NRN1L: variants seen among roughly 807,000 people sequenced by gnomAD.
NRN1L encodes the protein neuritin-like protein.
NRN1L carries 12 observed loss-of-function variants against 8.8 expected under a neutral mutation model. The ratio of observed to expected loss-of-function variants is 1.36; its 90% CI spans 0.87 to 2.20. The LOEUF is 2.20. Ranked by LOEUF, NRN1L falls within the 30% of genes most tolerant of loss-of-function variation. The pLI is 0.00. For missense variants in NRN1L, 266 were observed against 232.4 expected, an observed-to-expected ratio of 1.14 and a Z score of -0.94; for synonymous variants, 114 against 99.2, an observed-to-expected ratio of 1.15 and a Z score of -0.88.
At chr16:67,887,806 T>G (rs2058101402), downstream of NRN1L, among the ~76,000 whole-genome samples, 1 of 152,052 alleles carries the variant, frequency 6.6e-6, no homozygotes, top group Admixed American at 6.6e-5. Flanking sequence ...ATGGTCTCGA[T>G]CTCCTGACCT....
downstream of NRN1L, chr16:67,888,777 C>T (rs2058103481): frequency 6.6e-6 from 1 of 152,294 alleles, no homozygotes; most frequent in Non-Finnish European, 1.5e-5. Context: ...CTCCCTCCTG[C>T]TCTTCTCCAG....
At chr16:67,886,437 T>C (rs867134718), downstream of NRN1L, 56 of 626,982 alleles carry the variant, frequency 8.9e-5, no homozygotes, top group Middle Eastern at 8.6e-4. Flanking sequence ...TAGAAACTGA[T>C]CCTTTGCTTG....
chr16:67,885,715 C>T lies in NRN1L; in HGVS notation c.80-7C>T, dbSNP rs1254089130. Reference sequence around the variant, plus strand: ...CCTTCCCCACCCCACCCCCGCCCCACTTCTAGTCCTTTTACCTCCCCTGGC... The same window carrying T: ...CCTTCCCCACCCCACCCCCGCCCCATTTCTAGTCCTTTTACCTCCCCTGGC... On this transcript the variant is annotated splice_polypyrimidine_tract_variant and splice_region_variant and intron_variant, in intron 1 of 2. Transcript: ENST00000339176. 3.2e-6 allele frequency: 5 copies of T among 1,545,918 alleles called. No individual in the cohort carries two copies. Among genetic ancestry groups the T allele is most frequent in the Non-Finnish European group, 4.4e-6 (5 of 1,132,086 alleles).
chr16:67,885,734 C>G lies in NRN1L; in HGVS notation c.92C>G (p.Pro31Arg). Reference protein sequence around the residue: ...LLLLPLVLLPPLAAAAAGPNR... With the variant: ...LLLLPLVLLPRLAAAAAGPNR... ...GCCCCACTTCTAGTCCTTTTACCTC[C>G]CCTGGCAGCAGCTGCAGCGGGCCCA... The change falls in exon 2 of 3, where the codon CCC (proline) becomes CGC (arginine). Residue 31 changes from proline (P) to arginine (R), a missense_variant. Coordinates refer to ENST00000339176, the MANE Select transcript of NRN1L (RefSeq NM_198443.2). 6.4e-7 allele frequency: 1 copy of G among 1,568,584 alleles called. No homozygotes were observed. Among genetic ancestry groups the G allele is most frequent in the Non-Finnish European group, 8.7e-7 (1 of 1,143,020 alleles).
rs777634000 is a variant in NRN1L, at chr16:67,886,100, T to C, written c.339T>C (p.Thr113=). The stretch of plus-strand genomic sequence containing the variant: ...CCCCCCGTCCGAATAACTTGCACAC[T>C]CTGTGCGGTGCCCCGGTGCATGTTC... ...RQAPRPNNLH[T]LCGAPVHVRE... Residue 113 remains threonine (T), a synonymous_variant, in exon 3 of 3, where the codon ACT becomes ACC. Coordinates refer to ENST00000339176, the MANE Select transcript of NRN1L (RefSeq NM_198443.2). The C allele has an allele frequency of 2.4e-5, 38 of 1,613,202 alleles. No homozygotes were observed. The South Asian group carries it at 4.1e-4, about 17-fold the overall frequency.
chr16:67,886,063 A>G lies in NRN1L; in HGVS notation c.302A>G (p.Glu101Gly), dbSNP rs936446161. The change falls in exon 3 of 3, where the codon GAA becomes GGA. Residue 101 changes from glutamate (E) to glycine (G), a missense_variant. Coordinates refer to ENST00000339176, the MANE Select transcript of NRN1L (RefSeq NM_198443.2). Reference sequence around the variant, plus strand: ...GCAGTGTGGGAATCACTACAGCAAGAAGCTCGCCAGGCCCCCCGTCCGAAT... The same window carrying G: ...GCAGTGTGGGAATCACTACAGCAAGGAGCTCGCCAGGCCCCCCGTCCGAAT... ...AAAVWESLQQ[E>G]ARQAPRPNNL... The G allele has an allele frequency of 4.3e-5, 69 of 1,613,776 alleles. No individual in the cohort carries two copies. The highest frequency in any genetic ancestry group is 5.7e-5 in the Non-Finnish European group (67 of 1,179,912).
chr16:67,886,203 C>A lies in NRN1L; in HGVS notation c.442C>A (p.Pro148Thr). 6.2e-7 allele frequency: 1 copy of A among 1,602,062 alleles called. No homozygotes were observed. Among genetic ancestry groups the A allele is most frequent in the South Asian group, 1.1e-5 (1 of 90,702 alleles). Reference protein sequence around the residue: ...TAPALPMAPAPPLLAAALALA... With the variant: ...TAPALPMAPATPLLAAALALA... ...GCCTGCACTCCCCATGGCCCCTGCGCCCCCACTGCTGGCGGCTGCTCTGGC... is the reference window on the plus strand; with the variant it reads ...GCCTGCACTCCCCATGGCCCCTGCGACCCCACTGCTGGCGGCTGCTCTGGC... Residue 148 changes from proline to threonine, a missense_variant, in exon 3 of 3, where the codon CCC (proline) becomes ACC (threonine). Pro to Thr is a conservative substitution (Grantham distance 38). Coordinates refer to ENST00000339176, the MANE Select transcript of NRN1L (RefSeq NM_198443.2).
At chr16:67,887,646 G>A (rs987467766), downstream of NRN1L, among the ~76,000 whole-genome samples, 2 of 140,124 alleles carry the variant, frequency 1.4e-5, no homozygotes, top group African/African-American at 2.7e-5. Flanking sequence ...GCAATGGCGC[G>A]ATCTCTGCTC....
In NRN1L at chr16:67,885,824, G is replaced by T. The variant is rs1209074095; in HGVS notation, c.182G>T (p.Gly61Val). Reference sequence around the variant, plus strand: ...CTCATCCGCTTGGGGGACAGCATGGGCCGCGGAGGCGAGCTGGAGACCATC... The same window carrying T: ...CTCATCCGCTTGGGGGACAGCATGGTCCGCGGAGGCGAGCTGGAGACCATC... ...ECLIRLGDSM[G>V]RGGELETICR... The change falls in exon 2 of 3, where the codon GGC becomes GTC. Residue 61 changes from glycine to valine, a missense_variant. Gly to Val is a moderately radical substitution (Grantham distance 109). Coordinates refer to ENST00000339176, the MANE Select transcript of NRN1L (RefSeq NM_198443.2). 9 of 1,578,388 alleles carry T rather than the reference G, an allele frequency of 5.7e-6. No homozygotes were observed. The highest frequency in any genetic ancestry group is 7.7e-6 in the Non-Finnish European group (9 of 1,163,708).
chr16:67,886,421 G>T, downstream of NRN1L: 1 of 700,446 alleles, frequency 1.4e-6, no homozygotes, highest in Non-Finnish European at 2.3e-6. Flanking sequence ...TGGGGCCAGG[G>T]ACTCCTAGAA....
downstream of NRN1L, among the ~76,000 whole-genome samples, chr16:67,887,700 A>G (rs2058101119): frequency 6.6e-6 from 1 of 150,390 alleles, no homozygotes. Flanking sequence ...CTCCTGCCTC[A>G]GCCTTCCGAG....
At position 67,884,920 on chromosome 16, in the gene NRN1L, G is replaced by C; in HGVS notation, c.17G>C (p.Arg6Pro). The C allele has an allele frequency of 6.2e-7, 1 of 1,605,612 alleles. No individual in the cohort carries two copies. The highest frequency in any genetic ancestry group is 8.5e-7 in the Non-Finnish European group (1 of 1,179,538). The change falls in exon 1 of 3, where the codon CGC (arginine) becomes CCC (proline). Residue 6 changes from arginine to proline, a missense_variant. Transcript: ENST00000339176. The surrounding 1 kb of genome is among the most constrained non-coding windows in gnomAD (Gnocchi z 4.1). MMRCC[R>P]RRCCCRQPPH... ...CAGCCAGGGATGATGCGCTGCTGCC[G>C]CCGCCGCTGCTGCTGCCGGCAACCA...
Position 67,885,829 on chromosome 16 carries a change from G to A in NRN1L, c.187G>A (p.Gly63Arg), listed in dbSNP as rs747040669. 1.6e-5 allele frequency: 26 copies of A among 1,578,590 alleles called. No homozygotes were observed. The highest frequency in any genetic ancestry group is 2.7e-5 in the African/African-American group (2 of 73,946). ...LIRLGDSMGR[G>R]GELETICRSW... ...CCGCTTGGGGGACAGCATGGGCCGC[G>A]GAGGCGAGCTGGAGACCATCTGCAG... The change falls in exon 2 of 3, where the codon GGA becomes AGA. Residue 63 changes from glycine to arginine, a missense_variant. By Grantham distance (125) the Gly-to-Arg change is moderately radical (BLOSUM62 -2). Coordinates refer to ENST00000339176, the MANE Select transcript of NRN1L (RefSeq NM_198443.2).
At chr16:67,886,716 G>A (rs1598181791), downstream of NRN1L, among the ~76,000 whole-genome samples, 3 of 152,066 alleles carry the variant, frequency 2.0e-5, no homozygotes, top group South Asian at 6.2e-4. Flanking sequence ...CTGGTGAAGT[G>A]CCCTTGATCT....
chr16:67,887,739 C>T (rs936019580), downstream of NRN1L, among the ~76,000 whole-genome samples: 2 of 152,190 alleles, frequency 1.3e-5, no homozygotes, highest in East Asian at 1.9e-4. Flanking sequence ...CCCGCCACCA[C>T]GCCTGGCTAA....
Position 67,885,124 on chromosome 16 carries a change from G to A in NRN1L, c.79+142G>A, listed in dbSNP as rs2058089904. On this transcript the variant is annotated intron_variant, in intron 1 of 2. Coordinates refer to ENST00000339176, the MANE Select transcript of NRN1L (RefSeq NM_198443.2). ...CAGGAAGGTGTGCTGGTGACTTCAG[G>A]ACAGAAAGTGAGAGGCACAAACAGC... 5 of 678,060 alleles carry A rather than the reference G, an allele frequency of 7.4e-6. No homozygotes were observed. The East Asian group carries it at 1.4e-4, about 18-fold the overall frequency. The allele number at this position is 678,060 out of a possible 1,614,324, so 42.0% of individuals were successfully genotyped here.
chr16:67,886,155 C>G lies in NRN1L; in HGVS notation c.394C>G (p.Gln132Glu). The G allele has an allele frequency of 6.2e-7, 1 of 1,609,998 alleles. No individual in the cohort carries two copies. Among genetic ancestry groups the G allele is most frequent in the South Asian group, 1.1e-5 (1 of 90,854 alleles). Residue 132 changes from glutamine (Q) to glutamate (E), a missense_variant, in exon 3 of 3, where the codon CAG (glutamine) becomes GAG (glutamate). Coordinates refer to ENST00000339176, the MANE Select transcript of NRN1L (RefSeq NM_198443.2). ...GCGCGGCACAGGCTCCGAAACCAAC[C>G]AGGAGACGCTGCGGGCTACAGCGCC... ...RERGTGSETN[Q>E]ETLRATAPAL... is the part of the protein sequence containing the mutation.
Position 67,886,106 on chromosome 16 carries a change from C to A in NRN1L, c.345C>A (p.Cys115Ter), listed in dbSNP as rs143671493. 269 of 1,612,678 alleles carry A rather than the reference C, an allele frequency of 1.7e-4. No individual in the cohort carries two copies. The highest frequency in any genetic ancestry group is 3.4e-5 in the Non-Finnish European group (40 of 1,179,632). ...GTCCGAATAACTTGCACACTCTGTG[C>A]GGTGCCCCGGTGCATGTTCGGGAGC... Reference protein sequence around the residue: ...APRPNNLHTLCGAPVHVRERG... With the variant: ...APRPNNLHTL Residue 115 changes from cysteine (C) to a stop codon, truncating the protein, a stop_gained, in exon 3 of 3, where the codon TGC becomes TGA. Transcript: ENST00000339176. LOFTEE classifies it low-confidence loss of function (END_TRUNC).
chr16:67,886,021 G>GT lies in NRN1L; in HGVS notation c.261dup (p.Pro88SerfsTer23). On this transcript the variant is annotated frameshift_variant, in exon 3 of 3. Coordinates refer to ENST00000339176, the MANE Select transcript of NRN1L (RefSeq NM_198443.2). LOFTEE classifies it low-confidence loss of function (END_TRUNC). ...TGTGCCTCTCAGGTCCTGTCAGGCT[G>GT]TCCGGAGGAGGCAGCTGCAGTGTGG... The GT allele has an allele frequency of 1.2e-6, 2 of 1,614,148 alleles. No individual in the cohort carries two copies. The highest frequency in any genetic ancestry group is 1.7e-6 in the Non-Finnish European group (2 of 1,179,996).
Sources: gnomAD v4.1 joint callset for allele counts (sites outside exome capture counted in the v4.1 genomes callset) on GRCh38, gnomAD v4.1.1 for gene constraint, Gnocchi (gnomAD v3.1) non-coding constraint, MANE v1.5 for transcripts, NCBI Gene and HGNC (gene_info 2026-07-23, HGNC 2026-07-21) for gene names.